PEDS1: variants seen among roughly 807,000 people sequenced by gnomAD.
PEDS1 encodes CarF homolog.
Under a neutral mutation model 35.2 loss-of-function variants are expected in PEDS1, and 14 were observed. That is an observed-to-expected ratio of 0.40 (90% CI 0.26 to 0.62). The LOEUF is 0.62. Ranked by LOEUF, PEDS1 falls within the 20% of genes least tolerant of loss-of-function variation. PEDS1 has a pLI of 0.44. For synonymous variants in PEDS1, 152 were observed against 152.0 expected (o/e 1.00, Z 0.00); for missense variants, 260 against 367.8 (o/e 0.71, Z 2.40).
chr20:50,137,221 A>C (rs942694310), intron 2 of PEDS1, among the ~76,000 whole-genome samples: 11 of 151,986 alleles, frequency 7.2e-5, no homozygotes, highest in African/African-American at 2.4e-4. Flanking sequence ...TGTAGAGACA[A>C]GGGTCTCACC....
rs538249726 is a variant in PEDS1, at chr20:50,129,883, C to T, written c.334-193G>A. Among the ~76,000 whole-genome samples the T allele has an allele frequency of 6.6e-6, 1 of 152,286 alleles. No individual in the cohort carries two copies. The highest frequency in any genetic ancestry group is 1.9e-4 in the East Asian group (1 of 5,190). ...CCATCCAGCCTTTGGGGAGATGAGC[C>T]GAAATGACCCTGGAAGGGCTTTGGG... On this transcript the variant is annotated intron_variant, in intron 3 of 5. Transcript: ENST00000371652. The surrounding 1 kb of genome is among the most constrained non-coding windows in gnomAD (Gnocchi z 4.2).
Position 50,129,477 on chromosome 20 carries a change from G to A in PEDS1, c.478+69C>T. ...TAAGGAGCCAAACACATAAGCCCCA[G>A]AAGGCTCCTGGGGGTCGGCCTCTGC... On this transcript the variant is annotated intron_variant, in intron 4 of 5. Transcript: ENST00000371652. The surrounding 1 kb of genome is among the most constrained non-coding windows in gnomAD (Gnocchi z 4.2). 6.3e-7 allele frequency: 1 copy of A among 1,598,646 alleles called. No homozygotes were observed. Among genetic ancestry groups the A allele is most frequent in the Non-Finnish European group, 8.5e-7 (1 of 1,171,814 alleles).
At chr20:50,151,964 C>T (rs547997270) in intron 1 of PEDS1, among the ~76,000 whole-genome samples, 9 of 152,292 alleles carry the variant, frequency 5.9e-5, no homozygotes, top group African/African-American at 1.9e-4. Flanking sequence ...CTTCCTAACA[C>T]GAAGGGGCAG....
Position 50,125,161 on chromosome 20 carries a change from A to G in PEDS1, c.710T>C (p.Leu237Pro). ...GCGTCGCCAGAAGCCTATCTTCTCC[A>G]GAGGGTAGTTGAGCCAGCCTGCAGT... ...CITTGWLNYP[L>P]EKIGFWRRLE... Residue 237 changes from leucine to proline, a missense_variant, in exon 6 of 6, where the codon CTG becomes CCG. Transcript: ENST00000371652. 1 of 1,614,080 alleles carries G rather than the reference A, an allele frequency of 6.2e-7. No homozygotes were observed.
intron 2 of PEDS1, 75 bp from the exon 3 acceptor site, chr20:50,131,022 G>A (rs760085428): frequency 6.2e-7 from 1 of 1,611,600 alleles, no homozygotes; most frequent in Non-Finnish European, 8.5e-7. Flanking sequence ...TTACTCACTT[G>A]CCCGCTCATT....
chr20:50,120,324 A>G lies in PEDS1; in HGVS notation c.*4734T>C. 5.2e-6 allele frequency: 1 copy of G among 191,418 alleles called. No individual in the cohort carries two copies. The highest frequency in any genetic ancestry group is 1.1e-5 in the Non-Finnish European group (1 of 91,826). 11.9% of individuals were successfully genotyped at this position (191,418 alleles called of 1,614,324 possible). A position where few individuals can be genotyped will look rare whatever the true frequency, so the allele number is the denominator to read the frequency against. On this transcript the variant is annotated 3_prime_UTR_variant, in exon 6 of 6. Coordinates refer to ENST00000371652, the MANE Select transcript of PEDS1 (RefSeq NM_199129.4). ...CCCACAAAAGCTTCTGAGCTATAGA[A>G]AAGCAAGTGGCTGGATTTGGCCCAC...
chr20:50,136,578 C>T (rs2081236451), intron 2 of PEDS1, among the ~76,000 whole-genome samples: 1 of 152,028 alleles, frequency 6.6e-6, no homozygotes, highest in South Asian at 2.1e-4. Flanking sequence ...CAAAAATTAG[C>T]CGACCATGGT....
In PEDS1 at chr20:50,118,325, T is replaced by C. The variant is rs1442542590; in HGVS notation, c.*6733A>G. On this transcript the variant is annotated 3_prime_UTR_variant, in exon 6 of 6. Transcript: ENST00000371652. ...ACATGGTATTTTGCATATAATAATGTATTTAATCTTCACACCTATCCTATG... is the reference window on the plus strand; with the variant it reads ...ACATGGTATTTTGCATATAATAATGCATTTAATCTTCACACCTATCCTATG... The C allele has an allele frequency of 6.6e-6, 1 of 152,240 alleles. No homozygotes were observed. Among genetic ancestry groups the C allele is most frequent in the Non-Finnish European group, 1.5e-5 (1 of 68,042 alleles). 9.4% of individuals were successfully genotyped at this position (152,240 alleles called of 1,614,324 possible). A position where few individuals can be genotyped will look rare whatever the true frequency, so the allele number is the denominator to read the frequency against.
chr20:50,141,175 G>A (rs1295222077), intron 2 of PEDS1, among the ~76,000 whole-genome samples: 1 of 152,222 alleles, frequency 6.6e-6, no homozygotes, highest in African/African-American at 2.4e-5. Flanking sequence ...ACGCCCTGGT[G>A]GGGAAGTCCT....
At chr20:50,131,998 G>A (rs987770680) in intron 2 of PEDS1, among the ~76,000 whole-genome samples, 7 of 152,148 alleles carry the variant, frequency 4.6e-5, no homozygotes, top group African/African-American at 1.7e-4. Context: ...GAGGTCAGGA[G>A]TTCGAGACTA....
At chr20:50,139,609 C>G (rs1239104969) in intron 2 of PEDS1, among the ~76,000 whole-genome samples, 1 of 151,980 alleles carries the variant, frequency 6.6e-6, no homozygotes, top group Non-Finnish European at 1.5e-5. Flanking sequence ...AGACTCAGCC[C>G]CTGGGGGTGC....
At position 50,125,020 on chromosome 20, in the gene PEDS1, T is replaced by C; in HGVS notation, c.*38A>G. The C allele has an allele frequency of 6.2e-7, 1 of 1,609,696 alleles. No homozygotes were observed. Among genetic ancestry groups the C allele is most frequent in the Non-Finnish European group, 8.5e-7 (1 of 1,176,854 alleles). ...TGGCAGATGGCTTCGGTTTGGGGGCTAGGGAAGGTTGGCAACCAGGTAGCA... is the reference window on the plus strand; with the variant it reads ...TGGCAGATGGCTTCGGTTTGGGGGCCAGGGAAGGTTGGCAACCAGGTAGCA... On this transcript the variant is annotated 3_prime_UTR_variant, in exon 6 of 6. Coordinates refer to ENST00000371652, the MANE Select transcript of PEDS1 (RefSeq NM_199129.4).
chr20:50,150,611 C>T (rs1217560565), intron 1 of PEDS1, among the ~76,000 whole-genome samples: 1 of 152,178 alleles, frequency 6.6e-6, no homozygotes, highest in South Asian at 2.1e-4. Context: ...TGCTCCACAG[C>T]GCTTGCCACC....
rs2081134761 is a variant in PEDS1 at position 50,128,329 on chromosome 20, C to T, written c.479-142G>A. 5 of 978,582 alleles carry T rather than the reference C, an allele frequency of 5.1e-6. No homozygotes were observed. Among genetic ancestry groups the T allele is most frequent in the Admixed American group, 2.3e-5 (1 of 42,676 alleles). 60.6% of individuals were successfully genotyped at this position (978,582 alleles called of 1,614,324 possible). A position where few individuals can be genotyped will look rare whatever the true frequency, so the allele number is the denominator to read the frequency against. On this transcript the variant is annotated intron_variant, in intron 4 of 5. Transcript: ENST00000371652. The surrounding 1 kb of genome is among the most constrained non-coding windows in gnomAD (Gnocchi z 5.2). The stretch of plus-strand genomic sequence containing the variant: ...TTCTCTTCCACCCCCTGCAGGGCCG[C>T]AGGCAAGCTCAGGTGCTGCCCTGGG...
At chr20:50,127,351 T>G (rs959288017) in intron 5 of PEDS1, among the ~76,000 whole-genome samples, 4 of 144,614 alleles carry the variant, frequency 2.8e-5, no homozygotes, top group African/African-American at 7.7e-5. Context: ...TTTTTTTTTT[T>G]TTTTTTTTTT....
intron 5 of PEDS1, among the ~76,000 whole-genome samples, chr20:50,126,290 A>G (rs909263183): frequency 6.6e-6 from 1 of 152,164 alleles, no homozygotes; most frequent in Non-Finnish European, 1.5e-5. Context: ...CATTTTCCAC[A>G]TGAGCACACT....
In PEDS1 at chr20:50,125,026, A is replaced by G; in HGVS notation, c.*32T>C. ...ATGGCTTCGGTTTGGGGGCTAGGGA[A>G]GGTTGGCAACCAGGTAGCAGGCTCG... On this transcript the variant is annotated 3_prime_UTR_variant, in exon 6 of 6. Coordinates refer to ENST00000371652, the MANE Select transcript of PEDS1 (RefSeq NM_199129.4). The G allele has an allele frequency of 6.2e-7, 1 of 1,610,452 alleles. No individual in the cohort carries two copies. The highest frequency in any genetic ancestry group is 1.1e-5 in the South Asian group (1 of 90,920).
chr20:50,151,143 G>T, intron 1 of PEDS1: 2 of 833,970 alleles, frequency 2.4e-6, no homozygotes, highest in Non-Finnish European at 3.4e-6. Flanking sequence ...CACACAGTGA[G>T]CAGATAGAAG....
intron 2 of PEDS1, among the ~76,000 whole-genome samples, chr20:50,139,853 G>A (rs895278216): frequency 6.6e-6 from 1 of 151,820 alleles, no homozygotes; most frequent in African/African-American, 2.4e-5. Context: ...GCTGATTTTT[G>A]TATTTTTAGT....
Sources: gnomAD v4.1 joint callset for allele counts (sites outside exome capture counted in the v4.1 genomes callset) on GRCh38, gnomAD v4.1.1 for gene constraint, Gnocchi (gnomAD v3.1) non-coding constraint, MANE v1.5 for transcripts, NCBI Gene and HGNC (gene_info 2026-07-23, HGNC 2026-07-21) for gene names.